Variants in ZFHX3 observed in about 807,000 individuals in gnomAD.
ZFHX3 encodes the protein zinc finger homeobox protein 3.
ZFHX3 carries 42 observed loss-of-function variants against 279.1 expected under a neutral mutation model. The ratio of observed to expected loss-of-function variants is 0.15; its 90% CI spans 0.12 to 0.19. The LOEUF (loss-of-function observed/expected upper bound fraction) is 0.19, where lower values mean the gene tolerates loss of function less well. Ranked by LOEUF, ZFHX3 falls within the 10% of genes least tolerant of loss-of-function variation. The pLI, the probability that ZFHX3 is intolerant of heterozygous loss-of-function variation, is 1.00. For synonymous variants in ZFHX3, 2,293 were observed against 1,957.8 expected (o/e 1.17, Z -4.52); for missense variants, 4,981 against 4,754.0 (o/e 1.05, Z -1.40).
At chr16:73,436,897 C>A (rs191002620) in intron 3 of ZFHX3, among the ~76,000 whole-genome samples, 1 of 152,088 alleles carries the variant, frequency 6.6e-6, no homozygotes, top group Admixed American at 6.5e-5. Flanking sequence ...TCCAGTGACA[C>A]AGACTCCCCT....
intron 2 of ZFHX3, among the ~76,000 whole-genome samples, chr16:73,663,730 C>T (rs1261755953): frequency 6.6e-6 from 1 of 151,572 alleles, no homozygotes; most frequent in Non-Finnish European, 1.5e-5. Context: ...AAGCGTAAGC[C>T]ATGAAAATCA....
At chr16:72,854,613 G>A (rs1278937069) in intron 4 of ZFHX3, among the ~76,000 whole-genome samples, 1 of 152,110 alleles carries the variant, frequency 6.6e-6, no homozygotes, top group African/African-American at 2.4e-5. Context: ...ACAATAAGGG[G>A]GGAGGGACAA....
At chr16:73,553,341 G>T (rs749810021) in intron 2 of ZFHX3, among the ~76,000 whole-genome samples, 3 of 152,004 alleles carry the variant, frequency 2.0e-5, no homozygotes, top group Non-Finnish European at 1.5e-5. Context: ...TCACAAGAAG[G>T]TCACTAGGAT....
chr16:73,890,682 A>C (rs1471309566), intron 1 of ZFHX3, among the ~76,000 whole-genome samples: 1 of 152,162 alleles, frequency 6.6e-6, no homozygotes. Flanking sequence ...CAAATTAGTC[A>C]TCTTCTCTTT....
chr16:73,478,923 G>A lies in ZFHX3; in HGVS notation c.-1546-22665C>T, dbSNP rs555516205. Among the ~76,000 whole-genome samples, 8 of 152,190 alleles carry A rather than the reference G, an allele frequency of 5.3e-5. No individual in the cohort carries two copies. In the South Asian group the frequency reaches 8.3e-4, roughly 16 times the overall value. ...AAAAATTAGCCAGGCATGGTGGTGCGCGCCTGTAATCCCAGCTACTCAGGA... is the reference window on the plus strand; with the variant it reads ...AAAAATTAGCCAGGCATGGTGGTGCACGCCTGTAATCCCAGCTACTCAGGA... On this transcript the variant is annotated intron_variant, in intron 2 of 17. Coordinates refer to the ZFHX3 transcript ENST00000641206.
At position 72,795,219 on chromosome 16, in the gene ZFHX3, G is replaced by A; in HGVS notation, c.7463C>T (p.Pro2488Leu). 1.2e-6 allele frequency: 2 copies of A among 1,608,226 alleles called. No individual in the cohort carries two copies. The highest frequency in any genetic ancestry group is 1.7e-6 in the Non-Finnish European group (2 of 1,176,920). ...PSLPQPPPQA[P>L]PPQCPLPQSS... ...CTGGGGTAAGGGGCACTGTGGAGGG[G>A]GCGCTTGTGGAGGAGGCTGTGGCAA... The change falls in exon 9 of 10, where the codon CCC becomes CTC. Residue 2488 changes from proline (P) to leucine (L), a missense_variant. Physicochemically the swap from Pro to Leu is moderately conservative, Grantham distance 98. This residue lies in a region of ZFHX3 where 744 missense variants were observed against 701.3 expected (regional missense o/e 1.06). Coordinates refer to ENST00000268489, the MANE Select transcript of ZFHX3 (RefSeq NM_006885.4).
intron 1 of ZFHX3, among the ~76,000 whole-genome samples, chr16:73,053,314 A>G (rs1207940135): frequency 6.6e-6 from 1 of 152,184 alleles, no homozygotes; most frequent in African/African-American, 2.4e-5. Context: ...GGGGAGAAAC[A>G]CACATGCACA....
chr16:73,103,216 C>T (rs142168213), intron 7 of ZFHX3, among the ~76,000 whole-genome samples: 1 of 152,150 alleles, frequency 6.6e-6, no homozygotes, highest in Non-Finnish European at 1.5e-5. Context: ...TGATTTCCTG[C>T]GCCCAGCCTA....
intron 1 of ZFHX3, among the ~76,000 whole-genome samples, chr16:73,864,109 A>T (rs1270445357): frequency 6.6e-6 from 1 of 152,158 alleles, no homozygotes; most frequent in African/African-American, 2.4e-5. Context: ...CTACCTGCCT[A>T]ATAGATTATT....
chr16:72,887,835 C>T (rs11862105), intron 4 of ZFHX3, among the ~76,000 whole-genome samples: 38,803 of 151,550 alleles, frequency 0.26, 5,365 homozygotes, highest in African/African-American at 0.35. Flanking sequence ...TGTATGTGAG[C>T]GTGGATGGAA....
At chr16:73,001,375 G>A (rs942978743) in intron 1 of ZFHX3, among the ~76,000 whole-genome samples, 3 of 152,182 alleles carry the variant, frequency 2.0e-5, no homozygotes, top group Non-Finnish European at 2.9e-5. Flanking sequence ...CCTTGCAGCA[G>A]GGGACCCAGC....
chr16:73,497,827 T>A (rs1488200667), intron 2 of ZFHX3, among the ~76,000 whole-genome samples: 1 of 152,124 alleles, frequency 6.6e-6, no homozygotes, highest in Non-Finnish European at 1.5e-5. Context: ...ATTATAAGGA[T>A]TACAAGGTGA....
intron 5 of ZFHX3, among the ~76,000 whole-genome samples, chr16:73,237,488 C>CA (rs1644803208): frequency 6.7e-6 from 1 of 149,884 alleles, no homozygotes; most frequent in South Asian, 2.1e-4. Context: ...AATCCTCCTC[C>CA]AAATTGCTGG....
chr16:72,999,302 C>T (rs1963407016), intron 1 of ZFHX3, among the ~76,000 whole-genome samples: 1 of 152,192 alleles, frequency 6.6e-6, no homozygotes, highest in Non-Finnish European at 1.5e-5. Flanking sequence ...GGATTATAGG[C>T]ACATGCCGCC....
intron 2 of ZFHX3, among the ~76,000 whole-genome samples, chr16:73,677,473 T>G (rs1368236686): frequency 6.6e-6 from 1 of 151,894 alleles, no homozygotes; most frequent in Non-Finnish European, 1.5e-5. Flanking sequence ...CATGCAACTT[T>G]AAAAGCTAGT....
chr16:73,416,122 C>CA (rs1234376040), intron 3 of ZFHX3, among the ~76,000 whole-genome samples: 5,597 of 74,406 alleles, frequency 0.075, 332 homozygotes, highest in African/African-American at 0.15. Flanking sequence ...GACTCCATCT[C>CA]AAAAAAAAAA....
At chr16:73,006,126 G>A (rs558424649) in intron 1 of ZFHX3, 4 of 152,274 alleles carry the variant, frequency 2.6e-5, no homozygotes, top group South Asian at 4.1e-4. Flanking sequence ...ATCCTGACCA[G>A]TTCAATAAGG....
intron 1 of ZFHX3, among the ~76,000 whole-genome samples, chr16:73,725,287 A>T (rs1376256820): frequency 1.3e-5 from 2 of 152,220 alleles, no homozygotes. Flanking sequence ...TTTCAAATGC[A>T]CCATGCTTTG....
chr16:73,603,861 C>A (rs1441138591), intron 2 of ZFHX3, among the ~76,000 whole-genome samples: 2 of 149,926 alleles, frequency 1.3e-5, no homozygotes, highest in African/African-American at 5.0e-5. Flanking sequence ...TCACTGCAAC[C>A]TCTGCCTCCC....
Sources: gnomAD v4.1 joint callset for allele counts (sites outside exome capture counted in the v4.1 genomes callset) on GRCh38, gnomAD v4.1.1 for gene constraint, gnomAD v4.1.1 regional missense constraint, MANE v1.5 for transcripts, NCBI Gene and HGNC (gene_info 2026-07-23, HGNC 2026-07-21) for gene names.